EPB41L4A: variants seen among roughly 807,000 people sequenced by gnomAD.
The protein encoded by EPB41L4A is band 4.1-like protein 4A.
In EPB41L4A, 100 loss-of-function variants were observed where a neutral mutation model predicts 108.6. The observed-to-expected ratio is 0.92, with a 90% CI of 0.78 to 1.09. The LOEUF (loss-of-function observed/expected upper bound fraction) is 1.09. Ranked by LOEUF, EPB41L4A falls within the 50% of genes least tolerant of loss-of-function variation. The pLI is 0.00. For synonymous variants in EPB41L4A, 319 were observed against 289.0 expected, an observed-to-expected ratio of 1.10 and a Z score of -1.05; for missense variants, 1,030 against 842.7, an observed-to-expected ratio of 1.22 and a Z score of -2.75.
chr5:112,307,578 C>T, intron 1 of EPB41L4A, 88 bp from the exon 2 acceptor site: 1 of 795,858 alleles, frequency 1.3e-6, no homozygotes, highest in Non-Finnish European at 2.1e-6. Flanking sequence ...TTATTAGTTT[C>T]ACTCACAATA....
rs564021404 is a variant in EPB41L4A at position 112,382,690 on chromosome 5, G to A, written c.99+36251C>T. ...ACTGTCACTTGATGTGGGAGGGTTGGGGGAACAGTCCCAGTAACAGGACTG... is the reference window on the plus strand; with the variant it reads ...ACTGTCACTTGATGTGGGAGGGTTGAGGGAACAGTCCCAGTAACAGGACTG... On this transcript the variant is annotated intron_variant, in intron 1 of 22. Coordinates refer to ENST00000261486, the MANE Select transcript of EPB41L4A (RefSeq NM_022140.5). Among the ~76,000 whole-genome samples the A allele has an allele frequency of 1.6e-4, 25 of 152,250 alleles. No individual in the cohort carries two copies. The South Asian group carries it at 5.2e-3, about 32-fold the overall frequency.
intron 1 of EPB41L4A, among the ~76,000 whole-genome samples, chr5:112,352,873 C>T (rs1758133331): frequency 6.6e-6 from 1 of 152,148 alleles, no homozygotes; most frequent in Non-Finnish European, 1.5e-5. Context: ...TGGAGGGGTC[C>T]TGTTTCCTTG....
intron 1 of EPB41L4A, among the ~76,000 whole-genome samples, chr5:112,351,303 C>G: frequency 6.6e-6 from 1 of 152,026 alleles, no homozygotes; most frequent in East Asian, 1.9e-4. Flanking sequence ...ACTGATAGCA[C>G]AGAAATACAA....
At chr5:112,161,421 G>A, downstream of EPB41L4A, 2 of 462,258 alleles carry the variant, frequency 4.3e-6, no homozygotes, top group South Asian at 1.6e-5. Context: ...TTTTTAGGCT[G>A]TAATCGGCAT....
downstream of EPB41L4A, chr5:112,161,192 T>C (rs1580340351): frequency 3.9e-6 from 1 of 257,162 alleles, no homozygotes; most frequent in East Asian, 1.1e-4. Context: ...TATAACTGAC[T>C]TTATGCTTGC....
chr5:112,408,157 G>GA (rs376216176), intron 1 of EPB41L4A, among the ~76,000 whole-genome samples: 13 of 151,946 alleles, frequency 8.6e-5, no homozygotes, highest in African/African-American at 2.7e-4. Flanking sequence ...CAATTCAATG[G>GA]AAAAAAACAG....
chr5:112,256,637 T>C (rs1751117319), intron 9 of EPB41L4A, among the ~76,000 whole-genome samples: 1 of 152,022 alleles, frequency 6.6e-6, no homozygotes, highest in Admixed American at 6.6e-5. Context: ...TCAAACACCA[T>C]GCAGGAACCT....
intron 1 of EPB41L4A, among the ~76,000 whole-genome samples, chr5:112,367,028 G>T (rs1474337601): frequency 1.3e-5 from 2 of 152,148 alleles, no homozygotes; most frequent in Non-Finnish European, 2.9e-5. Context: ...AACACACAGA[G>T]GACACACCTT....
At chr5:112,224,966 C>T (rs1324235804) in intron 12 of EPB41L4A, among the ~76,000 whole-genome samples, 16 of 152,222 alleles carry the variant, frequency 1.1e-4, no homozygotes, top group Admixed American at 1.0e-3. Context: ...TTTATACTAA[C>T]TTCTTCCTTT....
intron 21 of EPB41L4A, 33 bp from the exon 22 acceptor site, chr5:112,168,853 G>T: frequency 6.4e-7 from 1 of 1,559,598 alleles, no homozygotes; most frequent in Non-Finnish European, 8.8e-7. Flanking sequence ...TTAGTGACTG[G>T]AACAGTATCT....
intron 18 of EPB41L4A, among the ~76,000 whole-genome samples, chr5:112,174,974 C>G (rs774715697): frequency 1.3e-5 from 2 of 152,074 alleles, no homozygotes; most frequent in Non-Finnish European, 2.9e-5. Flanking sequence ...ATCAAAGAAG[C>G]CTTAGGAAGC....
Position 112,205,113 on chromosome 5 carries a change from T to C in EPB41L4A, c.1262+308A>G, listed in dbSNP as rs371387979. Reference sequence around the variant, plus strand: ...TAAGTTTTTAACCAAAACTATGAAATGGGGAAAATTATTAATATGCCATTT... The same window carrying C: ...TAAGTTTTTAACCAAAACTATGAAACGGGGAAAATTATTAATATGCCATTT... On this transcript the variant is annotated intron_variant, in intron 14 of 22. Transcript: ENST00000261486. Among the ~76,000 whole-genome samples, 64 of 152,338 alleles carry C rather than the reference T, an allele frequency of 4.2e-4. 1 individual carries two copies. In the South Asian group the frequency reaches 0.013, roughly 31 times the overall value.
intron 1 of EPB41L4A, among the ~76,000 whole-genome samples, chr5:112,367,075 A>G (rs1285697647): frequency 6.6e-6 from 1 of 152,200 alleles, no homozygotes; most frequent in Non-Finnish European, 1.5e-5. Flanking sequence ...AAACAGGCAG[A>G]TGAGGCTAGC....
At chr5:112,266,082 A>G (rs1751831813) in intron 5 of EPB41L4A, 151 bp downstream of exon 5, 2 of 635,166 alleles carry the variant, frequency 3.1e-6, no homozygotes, top group Non-Finnish European at 5.5e-6. Flanking sequence ...CCGAAGGAAC[A>G]CTGAACAAAA....
chr5:112,180,236 G>C (rs1358451241), intron 18 of EPB41L4A, among the ~76,000 whole-genome samples: 1 of 152,090 alleles, frequency 6.6e-6, no homozygotes. Context: ...AATTTACACA[G>C]AAATGCAAAG....
intron 13 of EPB41L4A, chr5:112,145,842 G>C (rs1033023729): frequency 6.7e-6 from 3 of 447,700 alleles, no homozygotes; most frequent in Non-Finnish European, 1.3e-5. Flanking sequence ...CTATTAAATA[G>C]CTATTGAGAC....
At chr5:112,209,340 G>C (rs1357672523) in intron 13 of EPB41L4A, among the ~76,000 whole-genome samples, 1 of 152,224 alleles carries the variant, frequency 6.6e-6, no homozygotes. Context: ...AGCTCTCAGG[G>C]AAACAATCCA....
At chr5:112,330,727 A>G (rs1756508023) in intron 1 of EPB41L4A, among the ~76,000 whole-genome samples, 2 of 151,890 alleles carry the variant, frequency 1.3e-5, no homozygotes, top group Admixed American at 1.3e-4. Flanking sequence ...TAGTGTGCAG[A>G]GTATTCTATT....
chr5:112,379,000 T>G (rs1212363831), intron 1 of EPB41L4A, among the ~76,000 whole-genome samples: 1 of 152,176 alleles, frequency 6.6e-6, no homozygotes, highest in South Asian at 2.1e-4. Flanking sequence ...TGCAGGTGTC[T>G]ATGAGCGTGC....
Sources: allele counts gnomAD v4.1 joint callset (sites outside exome capture counted in the v4.1 genomes callset), GRCh38; gene constraint gnomAD v4.1.1; transcripts MANE v1.5; gene names NCBI Gene and HGNC (gene_info 2026-07-23, HGNC 2026-07-21).